Variants in SUSD1 observed in about 807,000 individuals in gnomAD.
The protein encoded by SUSD1 is sushi domain-containing protein 1.
SUSD1 carries 65 observed loss-of-function variants against 86.9 expected under a neutral mutation model. That is an observed-to-expected ratio of 0.75 (90% CI 0.61 to 0.92). The LOEUF is 0.92. Among genes scored for constraint, SUSD1 ranks in the 40% least tolerant of loss-of-function variants. SUSD1 has a pLI of 0.00. For synonymous variants in SUSD1, 346 were observed against 350.0 expected (o/e 0.99, Z 0.13); for missense variants, 850 against 929.7 (o/e 0.91, Z 1.11).
intron 2 of SUSD1, 95 bp from the exon 3 acceptor site, chr9:112,149,494 A>G (rs1832954215): frequency 2.2e-6 from 3 of 1,372,306 alleles, no homozygotes; most frequent in Non-Finnish European, 3.0e-6. Flanking sequence ...TCGGGAACCA[A>G]CGTTCTGTGA....
At chr9:112,080,293 G>A in intron 10 of SUSD1, 128 bp from the exon 11 acceptor site, 1 of 628,724 alleles carries the variant, frequency 1.6e-6, no homozygotes, top group South Asian at 1.8e-5. Context: ...GAAATTAGTG[G>A]TAGCAGTCTC....
chr9:112,100,185 T>C (rs1830570241), intron 9 of SUSD1, among the ~76,000 whole-genome samples: 1 of 152,176 alleles, frequency 6.6e-6, no homozygotes, highest in African/African-American at 2.4e-5. Flanking sequence ...CTTTATCTAA[T>C]TTTTTTGTTG....
At chr9:112,122,407 G>A (rs1372584187) in intron 6 of SUSD1, among the ~76,000 whole-genome samples, 1 of 152,038 alleles carries the variant, frequency 6.6e-6, no homozygotes, top group Admixed American at 6.6e-5. Flanking sequence ...CAATCCTCCT[G>A]CCTTGGCCTC....
intron 12 of SUSD1, among the ~76,000 whole-genome samples, chr9:112,066,476 C>T (rs939693676): frequency 3.3e-5 from 5 of 152,124 alleles, no homozygotes; most frequent in Admixed American, 6.5e-5. Context: ...AGAGTGGCAA[C>T]AGAAGCCAGG....
chr9:112,172,270 C>T (rs1391962197), intron 1 of SUSD1, among the ~76,000 whole-genome samples: 2 of 151,888 alleles, frequency 1.3e-5, no homozygotes, highest in African/African-American at 4.8e-5. Flanking sequence ...ACATCTAGCT[C>T]TCACCCTCTC....
intron 12 of SUSD1, among the ~76,000 whole-genome samples, chr9:112,063,935 A>G (rs1828848631): frequency 6.6e-6 from 1 of 152,020 alleles, no homozygotes; most frequent in Non-Finnish European, 1.5e-5. Flanking sequence ...TTCCCTCTCC[A>G]AAGTATTAGG....
At chr9:112,136,978 T>A (rs1310746673) in intron 5 of SUSD1, among the ~76,000 whole-genome samples, 1 of 152,236 alleles carries the variant, frequency 6.6e-6, no homozygotes, top group Non-Finnish European at 1.5e-5. Flanking sequence ...TTTTTCATCA[T>A]CACCTCCCAT....
At chr9:112,167,766 C>T (rs1230293952) in intron 1 of SUSD1, among the ~76,000 whole-genome samples, 1 of 152,142 alleles carries the variant, frequency 6.6e-6, no homozygotes. Context: ...GTATATTAGT[C>T]TTTCTTCATG....
chr9:112,091,450 C>T (rs567736405), intron 10 of SUSD1, among the ~76,000 whole-genome samples: 1 of 152,272 alleles, frequency 6.6e-6, no homozygotes, highest in South Asian at 2.1e-4. Context: ...GGGCTTTACT[C>T]CCTGGGAAGA....
chr9:112,154,550 GA>G lies in SUSD1; in HGVS notation c.217+2949del, dbSNP rs534393131. ...ACAAACAAAAAAAACTATCTTTGGG[GA>G]GATCTGCATAAGAGCTTAGAGAGAC... On this transcript the variant is annotated intron_variant, in intron 2 of 16. Coordinates refer to ENST00000374270, the MANE Select transcript of SUSD1 (RefSeq NM_022486.5). Among the ~76,000 whole-genome samples, 56 of 152,088 alleles carry G rather than the reference GA, an allele frequency of 3.7e-4. 1 individual carries two copies. In the East Asian group the frequency reaches 6.6e-3, roughly 18 times the overall value.
chr9:112,071,353 G>A (rs970532514), intron 12 of SUSD1, among the ~76,000 whole-genome samples: 1 of 152,032 alleles, frequency 6.6e-6, no homozygotes, highest in African/African-American at 2.4e-5. Context: ...TCAGCTACTT[G>A]GGAGGCTGAG....
rs567745105 is a variant in SUSD1 at position 112,160,654 on chromosome 9, C to G, written c.104-3041G>C. Among the ~76,000 whole-genome samples the G allele has an allele frequency of 3.9e-5, 6 of 152,232 alleles. No homozygotes were observed. The South Asian group carries it at 1.2e-3, about 32-fold the overall frequency. ...TTGATCCCAGGAGTTTGAGACTAAT[C>G]CTGGGCAACATGATGAGACCTCATC... On this transcript the variant is annotated intron_variant, in intron 1 of 16. Coordinates refer to ENST00000374270, the MANE Select transcript of SUSD1 (RefSeq NM_022486.5).
intron 3 of SUSD1, chr9:112,146,115 A>G (rs902892132): frequency 1.3e-5 from 2 of 152,140 alleles, no homozygotes; most frequent in Admixed American, 1.3e-4. Context: ...TGATACCCCA[A>G]CACTTGCTAA....
chr9:112,078,773 T>C (rs1829635333), intron 11 of SUSD1, 49 bp from the exon 12 acceptor site: 2 of 1,534,904 alleles, frequency 1.3e-6, no homozygotes, highest in Admixed American at 1.9e-5. Flanking sequence ...TAAAAGGCTT[T>C]AGATGCCTTG....
chr9:112,174,256 T>C (rs987372425), intron 1 of SUSD1, among the ~76,000 whole-genome samples: 3 of 152,318 alleles, frequency 2.0e-5, no homozygotes, highest in East Asian at 3.9e-4. Context: ...CATTTTCCCA[T>C]ATCCAAATAT....
intron 6 of SUSD1, among the ~76,000 whole-genome samples, chr9:112,121,802 A>G (rs1392956222): frequency 5.9e-5 from 9 of 152,242 alleles, no homozygotes; most frequent in Admixed American, 5.9e-4. Context: ...GGACTATGTG[A>G]CAACCATTTG....
At chr9:112,125,330 T>C (rs907856248) in intron 5 of SUSD1, among the ~76,000 whole-genome samples, 1 of 152,062 alleles carries the variant, frequency 6.6e-6, no homozygotes, top group Non-Finnish European at 1.5e-5. Context: ...AGTTGAACAA[T>C]GTAAAATAAT....
intron 12 of SUSD1, among the ~76,000 whole-genome samples, chr9:112,074,193 G>A (rs1026738662): frequency 6.6e-6 from 1 of 152,176 alleles, no homozygotes; most frequent in Non-Finnish European, 1.5e-5. Context: ...TCCAGCCTGG[G>A]TGACAGAGCG....
At position 112,124,418 on chromosome 9, in the gene SUSD1, G is replaced by C. The variant is rs1161501850; in HGVS notation, c.725C>G (p.Pro242Arg). The change falls in exon 6 of 17, where the codon CCT (proline) becomes CGT (arginine). Residue 242 changes from proline to arginine, a missense_variant. Physicochemically the swap from Pro to Arg is moderately radical, Grantham distance 103. Transcript: ENST00000374270. ...CAAGATGGCGTGCCGCATTTCTGGAGGGTTGCCACAGTTGATCTCTGCAAT... is the reference window on the plus strand; with the variant it reads ...CAAGATGGCGTGCCGCATTTCTGGACGGTTGCCACAGTTGATCTCTGCAAT... Reference protein sequence around the residue: ...LHCQEINCGNPPEMRHAILVG... With the variant: ...LHCQEINCGNRPEMRHAILVG... 9 of 1,613,900 alleles carry C rather than the reference G, an allele frequency of 5.6e-6. No homozygotes were observed.
Sources: gnomAD v4.1 joint callset for allele counts (sites outside exome capture counted in the v4.1 genomes callset) on GRCh38, gnomAD v4.1.1 for gene constraint, MANE v1.5 for transcripts, NCBI Gene and HGNC (gene_info 2026-07-23, HGNC 2026-07-21) for gene names.